NOX4: variants seen among roughly 807,000 people sequenced by gnomAD.
NOX4 encodes NADPH oxidase 4, also known as kidney oxidase-1.
A neutral mutation model predicts 87.6 loss-of-function variants in NOX4; 69 were observed. That is an observed-to-expected ratio of 0.79 (90% CI 0.65 to 0.96). NOX4 has a LOEUF of 0.96. Among genes scored for constraint, NOX4 ranks in the 40% least tolerant of loss-of-function variants. The probability of loss-of-function intolerance (pLI) is 0.00; values close to 1 mark genes in which losing one functional copy is unlikely to be tolerated. For synonymous variants in NOX4, 275 were observed against 238.2 expected (o/e 1.15, Z -1.42); for missense variants, 680 against 681.5 (o/e 1.00, Z 0.02).
rs1944933485 is a variant in NOX4 at position 89,451,058 on chromosome 11, T to A, written c.264+727A>T. Among the ~76,000 whole-genome samples the A allele has an allele frequency of 2.6e-5, 3 of 117,400 alleles. No homozygotes were observed. In the Admixed American group the frequency reaches 3.3e-4, roughly 13 times the overall value. 77.0% of individuals were successfully genotyped at this position (117,400 alleles called of 152,430 possible). On this transcript the variant is annotated intron_variant, in intron 3 of 17. Transcript: ENST00000263317. ...ATGGGGAACATCACACACCAGGGCCTGTTGTGGGGTGGGGGGAGGGGGGAG... is the reference window on the plus strand; with the variant it reads ...ATGGGGAACATCACACACCAGGGCCAGTTGTGGGGTGGGGGGAGGGGGGAG...
At chr11:89,487,837 C>T (rs1946691984) in intron 2 of NOX4, among the ~76,000 whole-genome samples, 1 of 151,992 alleles carries the variant, frequency 6.6e-6, no homozygotes, top group South Asian at 2.1e-4. Context: ...TTGAAAAGTG[C>T]CTGCAAATTG....
chr11:89,554,637 G>A, the NOX4 span, among the ~76,000 whole-genome samples: 3 of 151,936 alleles, frequency 2.0e-5, no homozygotes, highest in South Asian at 2.1e-4. Context: ...TACCTAATTC[G>A]GTATCTCATC....
the NOX4 span, among the ~76,000 whole-genome samples, chr11:89,580,755 A>G: frequency 6.6e-6 from 1 of 152,316 alleles, no homozygotes; most frequent in East Asian, 1.9e-4. Flanking sequence ...AATAATCACC[A>G]AGATATGGTT....
chr11:89,467,748 G>A (rs1945768770), intron 2 of NOX4, among the ~76,000 whole-genome samples: 1 of 152,176 alleles, frequency 6.6e-6, no homozygotes, highest in Non-Finnish European at 1.5e-5. Context: ...TGAATTTTGG[G>A]GGGACACAAA....
chr11:89,432,690 C>G, intron 7 of NOX4, 94 bp downstream of exon 7: 1 of 845,656 alleles, frequency 1.2e-6, no homozygotes. Context: ...GTCCATTAAC[C>G]AGGACACTAC....
intron 7 of NOX4, among the ~76,000 whole-genome samples, chr11:89,428,861 G>A (rs187037070): frequency 1.1e-4 from 16 of 152,138 alleles, no homozygotes; most frequent in African/African-American, 3.1e-4. Flanking sequence ...TGCACCAAGC[G>A]GACCTAATAG....
the NOX4 span, among the ~76,000 whole-genome samples, chr11:89,564,665 A>G: frequency 8.5e-5 from 13 of 152,130 alleles, no homozygotes; most frequent in Admixed American, 8.5e-4. Flanking sequence ...TTGCCAAAAG[A>G]TCAACATTAC....
At chr11:89,443,154 T>G (rs573431541) in intron 5 of NOX4, among the ~76,000 whole-genome samples, 1 of 152,290 alleles carries the variant, frequency 6.6e-6, no homozygotes, top group South Asian at 2.1e-4. Flanking sequence ...ATGTTGGTAT[T>G]TTTTAAAATA....
intron 11 of NOX4, among the ~76,000 whole-genome samples, chr11:89,393,467 C>T (rs949582012): frequency 5.3e-5 from 8 of 152,052 alleles, no homozygotes; most frequent in African/African-American, 1.4e-4. Flanking sequence ...TTCACCCACA[C>T]GACAGATTTT....
rs1946800662 is a variant in NOX4, at chr11:89,490,348, T to C, written c.153+110A>G. The C allele has an allele frequency of 6.8e-6, 5 of 739,444 alleles. No individual in the cohort carries two copies. In the East Asian group the frequency reaches 9.8e-5, roughly 15 times the overall value. 45.8% of individuals were successfully genotyped at this position (739,444 alleles called of 1,614,324 possible). On this transcript the variant is annotated intron_variant, in intron 2 of 17. Coordinates refer to ENST00000263317, the MANE Select transcript of NOX4 (RefSeq NM_016931.5). ...CCACTTTAGAGAACAACAAAGGTTT[T>C]CAAAGTGAAGAGTGCACATTTCTTT...
At chr11:89,391,976 T>G (rs1249075470) in intron 11 of NOX4, among the ~76,000 whole-genome samples, 1 of 147,040 alleles carries the variant, frequency 6.8e-6, no homozygotes, top group African/African-American at 2.5e-5. Flanking sequence ...CTTCCTTCCT[T>G]CTTTCCTTCC....
At chr11:89,355,817 A>C (rs1473457190) in intron 12 of NOX4, among the ~76,000 whole-genome samples, 1 of 152,180 alleles carries the variant, frequency 6.6e-6, no homozygotes, top group Non-Finnish European at 1.5e-5. Flanking sequence ...CACACCCTGC[A>C]GAAACTTTCA....
intron 17 of NOX4, among the ~76,000 whole-genome samples, chr11:89,327,101 G>A (rs927093653): frequency 8.5e-5 from 13 of 152,144 alleles, no homozygotes; most frequent in African/African-American, 2.9e-4. Context: ...TTCAAAGAAT[G>A]TACCTATGAG....
intron 12 of NOX4, among the ~76,000 whole-genome samples, chr11:89,356,282 A>C (rs1938043491): frequency 6.6e-6 from 1 of 152,142 alleles, no homozygotes. Context: ...ATCATAAATG[A>C]ATAAATAAAT....
chr11:89,544,281 C>T, the NOX4 span, among the ~76,000 whole-genome samples: 3 of 152,014 alleles, frequency 2.0e-5, no homozygotes, highest in Non-Finnish European at 4.4e-5. Context: ...GTTATATTTT[C>T]CTAATCTCTG....
chr11:89,386,411 TTC>T (rs1347922037), intron 11 of NOX4, among the ~76,000 whole-genome samples: 5 of 152,280 alleles, frequency 3.3e-5, no homozygotes, highest in Admixed American at 2.0e-4. Context: ...CCACCCTTAA[TTC>T]TCTCTTAAAG....
At chr11:89,479,606 C>A (rs1946308138) in intron 2 of NOX4, among the ~76,000 whole-genome samples, 1 of 152,160 alleles carries the variant, frequency 6.6e-6, no homozygotes, top group Non-Finnish European at 1.5e-5. Context: ...CTTGAACAAT[C>A]CTTTCATGGG....
chr11:89,501,182 C>T (rs1947013165), upstream of NOX4, among the ~76,000 whole-genome samples: 1 of 151,902 alleles, frequency 6.6e-6, no homozygotes, highest in East Asian at 1.9e-4. Context: ...CAAGAAGTGG[C>T]CCATTTGCAA....
intron 6 of NOX4, 37 bp downstream of exon 6, chr11:89,440,651 C>A: frequency 1.4e-6 from 2 of 1,466,890 alleles, no homozygotes; most frequent in South Asian, 2.5e-5. Context: ...TAAAGATGTT[C>A]CTAAACCTAA....
Sources: allele counts gnomAD v4.1 joint callset (sites outside exome capture counted in the v4.1 genomes callset), GRCh38; gene constraint gnomAD v4.1.1; transcripts MANE v1.5; gene names NCBI Gene and HGNC (gene_info 2026-07-23, HGNC 2026-07-21).